CNTNAP5: variants seen among roughly 807,000 people sequenced by gnomAD.
The protein encoded by CNTNAP5 is contactin-associated protein-like 5.
CNTNAP5 carries 72 observed loss-of-function variants against 150.2 expected under a neutral mutation model. The observed-to-expected ratio is 0.48, with a 90% CI of 0.40 to 0.58. The LOEUF (loss-of-function observed/expected upper bound fraction) is 0.58, where lower values mean the gene tolerates loss of function less well. Among genes scored for constraint, CNTNAP5 ranks in the 20% least tolerant of loss-of-function variants. The pLI is 0.00. For synonymous variants in CNTNAP5, 672 were observed against 619.8 expected (o/e 1.08, Z -1.25); for missense variants, 1,636 against 1,626.2 (o/e 1.01, Z -0.10).
intron 4 of CNTNAP5, among the ~76,000 whole-genome samples, chr2:124,423,766 G>A (rs1269651815): frequency 7.7e-6 from 1 of 129,130 alleles, no homozygotes; most frequent in Non-Finnish European, 1.6e-5. Context: ...CCAGGTTCAC[G>A]CCATTCTCCT....
chr2:124,277,989 G>C (rs1343460012), intron 3 of CNTNAP5, among the ~76,000 whole-genome samples: 3 of 152,154 alleles, frequency 2.0e-5, no homozygotes, highest in African/African-American at 7.2e-5. Context: ...CCACGTCATT[G>C]TGTTAAGCTA....
chr2:124,807,693 G>T (rs1163272214), intron 19 of CNTNAP5, among the ~76,000 whole-genome samples: 1 of 152,076 alleles, frequency 6.6e-6, no homozygotes, highest in Non-Finnish European at 1.5e-5. Context: ...GACGTTTCAT[G>T]GTACTGTGTG....
chr2:124,456,763 A>G (rs1693128370), intron 6 of CNTNAP5, among the ~76,000 whole-genome samples: 1 of 152,092 alleles, frequency 6.6e-6, no homozygotes, highest in South Asian at 2.1e-4. Context: ...AATAAACCCT[A>G]ATACTTATAG....
At chr2:124,761,473 A>G (rs927225047) in intron 14 of CNTNAP5, among the ~76,000 whole-genome samples, 2 of 152,124 alleles carry the variant, frequency 1.3e-5, no homozygotes, top group African/African-American at 4.8e-5. Flanking sequence ...CAAAAACTGA[A>G]AATTTTTACA....
intron 6 of CNTNAP5, among the ~76,000 whole-genome samples, chr2:124,449,854 T>C (rs1250615406): frequency 6.6e-6 from 1 of 152,114 alleles, no homozygotes; most frequent in Non-Finnish European, 1.5e-5. Context: ...AAGAGAAACC[T>C]CCAGCCTTTG....
intron 13 of CNTNAP5, among the ~76,000 whole-genome samples, chr2:124,744,728 C>A (rs1680568608): frequency 6.6e-6 from 1 of 152,122 alleles, no homozygotes; most frequent in African/African-American, 2.4e-5. Flanking sequence ...TCAATTTCTG[C>A]AATGGCCAAA....
chr2:124,814,520 A>T (rs2104661800), intron 19 of CNTNAP5, among the ~76,000 whole-genome samples: 1 of 151,538 alleles, frequency 6.6e-6, no homozygotes. Context: ...ATACTCCACC[A>T]TTGTGGACAA....
At chr2:124,035,564 C>T (rs576112591) in intron 1 of CNTNAP5, among the ~76,000 whole-genome samples, 2 of 152,250 alleles carry the variant, frequency 1.3e-5, no homozygotes, top group East Asian at 1.9e-4. Context: ...ATAGAGTGCA[C>T]GGGAACCCAG....
At chr2:124,174,787 T>C (rs1202229537) in intron 1 of CNTNAP5, among the ~76,000 whole-genome samples, 1 of 152,196 alleles carries the variant, frequency 6.6e-6, no homozygotes, top group Non-Finnish European at 1.5e-5. Flanking sequence ...TCAAAGAGCA[T>C]CACATGCTAC....
At chr2:124,621,027 C>T (rs1349569768) in intron 12 of CNTNAP5, among the ~76,000 whole-genome samples, 1 of 152,148 alleles carries the variant, frequency 6.6e-6, no homozygotes, top group Non-Finnish European at 1.5e-5. Context: ...TCTGCTGGGA[C>T]TCCTTCAATA....
chr2:124,662,182 A>G (rs944655238), intron 13 of CNTNAP5, among the ~76,000 whole-genome samples: 1 of 152,178 alleles, frequency 6.6e-6, no homozygotes, highest in African/African-American at 2.4e-5. Flanking sequence ...GGCTGCATAG[A>G]ATTATATGGT....
At chr2:124,755,624 G>A (rs2105155322) in intron 14 of CNTNAP5, among the ~76,000 whole-genome samples, 1 of 152,220 alleles carries the variant, frequency 6.6e-6, no homozygotes, top group East Asian at 1.9e-4. Context: ...TGCTTCCGTG[G>A]TCCATGGCAA....
chr2:124,339,320 A>ATGTCTCCAGTGCACTTGGCATAATTG (rs1689552072), intron 3 of CNTNAP5, among the ~76,000 whole-genome samples: 1 of 152,158 alleles, frequency 6.6e-6, no homozygotes, highest in Non-Finnish European at 1.5e-5. Flanking sequence ...CATATTTTAT[A>ATGTCTCCAGTGCACTTGGCATAATTG]TGTCTCCAGT....
At chr2:124,168,527 G>A (rs1684858612) in intron 1 of CNTNAP5, among the ~76,000 whole-genome samples, 1 of 152,134 alleles carries the variant, frequency 6.6e-6, no homozygotes, top group Non-Finnish European at 1.5e-5. Flanking sequence ...GAGCAAACCT[G>A]CTCCGATGTG....
chr2:124,707,140 G>GGAAGAA (rs76714465), intron 13 of CNTNAP5, among the ~76,000 whole-genome samples: 3,253 of 86,422 alleles, frequency 0.038, 217 homozygotes, highest in African/African-American at 0.058. Context: ...AAGAAGAAGA[G>GGAAGAA]GAAGAAGAAG....
chr2:124,770,789 T>C (rs1171910430), intron 16 of CNTNAP5, among the ~76,000 whole-genome samples: 1 of 152,216 alleles, frequency 6.6e-6, no homozygotes, highest in Non-Finnish European at 1.5e-5. Flanking sequence ...ACAGTAATAA[T>C]AACAACAGCC....
At chr2:124,217,788 T>A (rs554778314) in intron 1 of CNTNAP5, among the ~76,000 whole-genome samples, 1 of 152,308 alleles carries the variant, frequency 6.6e-6, no homozygotes, top group African/African-American at 2.4e-5. Flanking sequence ...CTATTCTCAT[T>A]ACGGGCTTTA....
At chr2:124,839,120 G>T (rs528641918) in intron 19 of CNTNAP5, among the ~76,000 whole-genome samples, 4 of 152,242 alleles carry the variant, frequency 2.6e-5, no homozygotes, top group Admixed American at 6.5e-5. Context: ...ACCTCTGAGA[G>T]TGGGCTGGGT....
chr2:124,521,125 C>T (rs182035231), intron 8 of CNTNAP5, among the ~76,000 whole-genome samples: 2 of 152,256 alleles, frequency 1.3e-5, no homozygotes, highest in African/African-American at 4.8e-5. Context: ...TGACATGGCT[C>T]CTGACCCTGG....
Sources: allele counts gnomAD v4.1 joint callset (sites outside exome capture counted in the v4.1 genomes callset), GRCh38; gene constraint gnomAD v4.1.1; transcripts MANE v1.5; gene names NCBI Gene and HGNC (gene_info 2026-07-23, HGNC 2026-07-21).